Variants in NEK4 observed in about 807,000 individuals in gnomAD.
NEK4 encodes NIMA related kinase 4, also known as serine/threonine-protein kinase Nek4.
A neutral mutation model predicts 98.4 loss-of-function variants in NEK4; 86 were observed. The ratio of observed to expected loss-of-function variants is 0.87; its 90% CI spans 0.73 to 1.05. NEK4 has a LOEUF of 1.05. Among genes scored for constraint, NEK4 ranks in the 50% least tolerant of loss-of-function variants. The pLI, the probability that NEK4 is intolerant of heterozygous loss-of-function variation, is 0.00. For synonymous variants in NEK4, 328 were observed against 342.2 expected (o/e 0.96, Z 0.46); for missense variants, 898 against 950.3 (o/e 0.94, Z 0.72).
chr3:52,763,453 C>G lies in NEK4; in HGVS notation c.821+17G>C. The G allele has an allele frequency of 2.5e-6, 4 of 1,603,338 alleles. No homozygotes were observed. Among genetic ancestry groups the G allele is most frequent in the Non-Finnish European group, 2.6e-6 (3 of 1,173,702 alleles). On this transcript the variant is annotated intron_variant, in intron 5 of 15. Coordinates refer to ENST00000233027, the MANE Select transcript of NEK4 (RefSeq NM_003157.6). The stretch of plus-strand genomic sequence containing the variant: ...CCCATCTATTTAGCCCAGCTATTTG[C>G]AAGGGAAGTATCTTACATCTTTGTG...
chr3:52,748,126 A>AT (rs35506705), intron 8 of NEK4, among the ~76,000 whole-genome samples: 49,216 of 142,126 alleles, frequency 0.35, 9,245 homozygotes, highest in Admixed American at 0.46. Context: ...CGCCCAGCTA[A>AT]TTTTTTTTTT....
At chr3:52,719,960 T>A (rs1434985038) in intron 15 of NEK4, among the ~76,000 whole-genome samples, 1 of 151,922 alleles carries the variant, frequency 6.6e-6, no homozygotes, top group Non-Finnish European at 1.5e-5. Flanking sequence ...CAAATATGTA[T>A]AAAGAAAACA....
At chr3:52,723,117 A>T (rs1016175242) in intron 15 of NEK4, among the ~76,000 whole-genome samples, 12 of 152,002 alleles carry the variant, frequency 7.9e-5, no homozygotes, top group African/African-American at 2.9e-4. Context: ...AGGCGGGAGG[A>T]TCACTTGTGC....
chr3:52,742,491 T>C (rs138135444), intron 12 of NEK4, among the ~76,000 whole-genome samples: 2 of 152,240 alleles, frequency 1.3e-5, no homozygotes, highest in African/African-American at 4.8e-5. Flanking sequence ...CTAAATGATA[T>C]AGTTAAAGAA....
intron 1 of NEK4, among the ~76,000 whole-genome samples, chr3:52,770,416 T>C (rs931189983): frequency 6.6e-6 from 1 of 150,732 alleles, no homozygotes; most frequent in Non-Finnish European, 1.5e-5. Context: ...AAACTTAGAA[T>C]TGTAATTAAA....
In NEK4 at chr3:52,709,168, G is replaced by C. The variant is rs1271770718; in HGVS notation, c.*2609C>G. 1 of 131,642 alleles carries C rather than the reference G, an allele frequency of 7.6e-6. No homozygotes were observed. The highest frequency in any genetic ancestry group is 1.6e-5 in the Non-Finnish European group (1 of 63,014). 8.2% of individuals were successfully genotyped at this position (131,642 alleles called of 1,614,324 possible). On this transcript the variant is annotated 3_prime_UTR_variant, in exon 16 of 16. Coordinates refer to ENST00000233027, the MANE Select transcript of NEK4 (RefSeq NM_003157.6). ...CACTGTACTCCAGCCTGGGCAACAA[G>C]AAGACTCCATCTCAAAAAAAAAAAA...
chr3:52,730,864 T>C (rs2097368958), intron 15 of NEK4, among the ~76,000 whole-genome samples: 1 of 152,158 alleles, frequency 6.6e-6, no homozygotes, highest in Admixed American at 6.5e-5. Flanking sequence ...AGATGGGTGG[T>C]TGCCAGGGGC....
In NEK4 at chr3:52,711,557, C is replaced by G. The variant is rs1354639624; in HGVS notation, c.*220G>C. The G allele has an allele frequency of 4.2e-5, 16 of 383,056 alleles. No individual in the cohort carries two copies. Among genetic ancestry groups the G allele is most frequent in the Non-Finnish European group, 6.0e-5 (13 of 214,966 alleles). 23.7% of individuals were successfully genotyped at this position (383,056 alleles called of 1,614,324 possible). Reference sequence around the variant, plus strand: ...CAAACAAACAACAGATTTGTCCTCACAAAGAGAATATGAAAGCCAAAGTTT... The same window carrying G: ...CAAACAAACAACAGATTTGTCCTCAGAAAGAGAATATGAAAGCCAAAGTTT... On this transcript the variant is annotated 3_prime_UTR_variant, in exon 16 of 16. Transcript: ENST00000233027.
intron 6 of NEK4, chr3:52,753,896 G>C (rs1025879892): frequency 2.0e-5 from 7 of 351,924 alleles, no homozygotes; most frequent in Non-Finnish European, 2.8e-5. Context: ...TAGGCCAGGC[G>C]CGGTGGCTCA....
chr3:52,724,984 C>T (rs1055301443), intron 15 of NEK4, among the ~76,000 whole-genome samples: 4 of 152,012 alleles, frequency 2.6e-5, no homozygotes, highest in East Asian at 1.9e-4. Flanking sequence ...AAAAGAAATA[C>T]CTTTGGTAAA....
chr3:52,744,784 G>A (rs2097393150), intron 10 of NEK4, among the ~76,000 whole-genome samples: 1 of 151,196 alleles, frequency 6.6e-6, no homozygotes, highest in Non-Finnish European at 1.5e-5. Flanking sequence ...AGTGTCCATT[G>A]GAAACCAGCC....
intron 6 of NEK4, among the ~76,000 whole-genome samples, chr3:52,758,276 T>A (rs1224240018): frequency 6.6e-6 from 1 of 151,308 alleles, no homozygotes; most frequent in East Asian, 1.9e-4. Flanking sequence ...TACTGTTTAA[T>A]GGTAACAGAG....
chr3:52,744,698 A>T (rs1049915194), intron 10 of NEK4, among the ~76,000 whole-genome samples: 2 of 150,682 alleles, frequency 1.3e-5, no homozygotes, highest in African/African-American at 4.9e-5. Context: ...AAAAAAAAAA[A>T]AGAAAAAGGT....
intron 15 of NEK4, among the ~76,000 whole-genome samples, chr3:52,724,492 A>C (rs2097362795): frequency 6.6e-6 from 1 of 152,244 alleles, no homozygotes; most frequent in African/African-American, 2.4e-5. Flanking sequence ...ATTTCCAGAT[A>C]AATCTGATTA....
chr3:52,739,819 C>T (rs1056323774), intron 13 of NEK4, among the ~76,000 whole-genome samples, 185 bp from the exon 14 acceptor site: 2 of 152,120 alleles, frequency 1.3e-5, no homozygotes, highest in South Asian at 4.1e-4. Flanking sequence ...AACTCAACAA[C>T]GTAAAGGGAA....
At chr3:52,717,793 T>C (rs1038123420) in intron 15 of NEK4, among the ~76,000 whole-genome samples, 1 of 152,018 alleles carries the variant, frequency 6.6e-6, no homozygotes, top group Non-Finnish European at 1.5e-5. Context: ...ATTATTATTA[T>C]TATTATTATT....
In NEK4 at chr3:52,709,773, TA is replaced by T. The variant is rs1288384323; in HGVS notation, c.*2003del. The T allele has an allele frequency of 4.1e-5, 6 of 144,610 alleles. No homozygotes were observed. The highest frequency in any genetic ancestry group is 1.5e-4 in the African/African-American group (6 of 39,538). The allele number at this position is 144,610 out of a possible 1,614,324, so 9.0% of individuals were successfully genotyped here. ...TAATAAAATACCTACTTTATACCAA[TA>T]CATTAGAAAAATTAAGTAAAACTGA... On this transcript the variant is annotated 3_prime_UTR_variant, in exon 16 of 16. Coordinates refer to ENST00000233027, the MANE Select transcript of NEK4 (RefSeq NM_003157.6).
intron 13 of NEK4, among the ~76,000 whole-genome samples, chr3:52,740,282 G>A (rs1382772681): frequency 6.6e-6 from 1 of 152,014 alleles, no homozygotes; most frequent in African/African-American, 2.4e-5. Flanking sequence ...ACATTAAAAT[G>A]GGTAGTATAA....
At chr3:52,758,911 G>A (rs1336705437) in intron 6 of NEK4, among the ~76,000 whole-genome samples, 1 of 151,936 alleles carries the variant, frequency 6.6e-6, no homozygotes. Flanking sequence ...AACATAGTGA[G>A]ACCCACCTCT....
Sources: allele counts gnomAD v4.1 joint callset (sites outside exome capture counted in the v4.1 genomes callset), GRCh38; gene constraint gnomAD v4.1.1; transcripts MANE v1.5; gene names NCBI Gene and HGNC (gene_info 2026-07-23, HGNC 2026-07-21).